Variants in PDE4D observed in about 807,000 individuals in gnomAD.
PDE4D encodes phosphodiesterase 4D.
In PDE4D, 24 loss-of-function variants were observed where a neutral mutation model predicts 87.4. The observed-to-expected ratio is 0.27, with a 90% CI of 0.20 to 0.39. The LOEUF is 0.39. Among genes scored for constraint, PDE4D ranks in the 10% least tolerant of loss-of-function variants. The pLI is 1.00. For missense variants in PDE4D, 714 were observed against 1,041.0 expected (o/e 0.69, Z 4.32); for synonymous variants, 384 against 383.2 (o/e 1.00, Z -0.02).
chr5:60,211,834 C>A (rs1010144265), intron 1 of PDE4D, among the ~76,000 whole-genome samples: 1 of 152,140 alleles, frequency 6.6e-6, no homozygotes, highest in South Asian at 2.1e-4. Flanking sequence ...CCTGAAGGTA[C>A]AGTATTTACT....
chr5:59,482,683 C>G (rs568813732), intron 1 of PDE4D, among the ~76,000 whole-genome samples: 6 of 152,176 alleles, frequency 3.9e-5, no homozygotes, highest in African/African-American at 1.4e-4. Flanking sequence ...ATTATCATAA[C>G]AGGGCAAAAT....
chr5:59,387,922 C>T (rs1787418161), intron 1 of PDE4D, among the ~76,000 whole-genome samples: 1 of 151,974 alleles, frequency 6.6e-6, no homozygotes, highest in Admixed American at 6.6e-5. Flanking sequence ...AATTTTGTGT[C>T]CTTTGACTAA....
intron 1 of PDE4D, among the ~76,000 whole-genome samples, chr5:59,718,541 C>G (rs1319890534): frequency 6.6e-6 from 1 of 152,128 alleles, no homozygotes; most frequent in Non-Finnish European, 1.5e-5. Context: ...TATCATCATT[C>G]AAACGCACAT....
intron 1 of PDE4D, among the ~76,000 whole-genome samples, chr5:60,321,249 G>A (rs751603447): frequency 2.0e-4 from 30 of 152,078 alleles, no homozygotes; most frequent in African/African-American, 4.1e-4. Flanking sequence ...TACCACCCAC[G>A]TAAAATCATC....
intron 6 of PDE4D, among the ~76,000 whole-genome samples, chr5:58,995,317 C>A (rs1748964748): frequency 6.6e-6 from 1 of 152,014 alleles, no homozygotes; most frequent in Non-Finnish European, 1.5e-5. Context: ...CTTTTTTCTA[C>A]CCTTGTATGT....
At chr5:59,796,371 CA>C (rs1268387101) in intron 1 of PDE4D, among the ~76,000 whole-genome samples, 2 of 152,214 alleles carry the variant, frequency 1.3e-5, no homozygotes, top group Non-Finnish European at 1.5e-5. Flanking sequence ...GGAAAATAAA[CA>C]AGGCTTTGGT....
At chr5:59,268,646 T>C (rs1205639445) in intron 1 of PDE4D, among the ~76,000 whole-genome samples, 1 of 152,138 alleles carries the variant, frequency 6.6e-6, no homozygotes, top group Non-Finnish European at 1.5e-5. Context: ...AAAATCTATA[T>C]TGATTTTTTA....
At chr5:60,504,295 C>T (rs1285836002) in intron 1 of PDE4D, among the ~76,000 whole-genome samples, 1 of 150,536 alleles carries the variant, frequency 6.6e-6, no homozygotes, top group Non-Finnish European at 1.5e-5. Context: ...TTGCATATAG[C>T]TTTTGTATAA....
intron 1 of PDE4D, among the ~76,000 whole-genome samples, chr5:59,560,388 CA>C (rs1046785435): frequency 2.6e-5 from 4 of 151,698 alleles, no homozygotes; most frequent in African/African-American, 4.8e-5. Flanking sequence ...GATGAAAGCA[CA>C]AAAAAAACCC....
chr5:59,716,118 C>T (rs549381347), intron 1 of PDE4D, among the ~76,000 whole-genome samples: 24 of 152,204 alleles, frequency 1.6e-4, no homozygotes, highest in East Asian at 1.6e-3. Flanking sequence ...AAAAATAGGC[C>T]GAAGCAGACA....
chr5:59,244,180 A>G (rs1758276201), intron 1 of PDE4D, among the ~76,000 whole-genome samples: 1 of 151,824 alleles, frequency 6.6e-6, no homozygotes, highest in African/African-American at 2.4e-5. Flanking sequence ...TTGTAATCCC[A>G]GCACTTCAGG....
At chr5:60,282,270 A>T (rs1324769576) in intron 1 of PDE4D, among the ~76,000 whole-genome samples, 1 of 148,116 alleles carries the variant, frequency 6.8e-6, no homozygotes, top group Non-Finnish European at 1.5e-5. Flanking sequence ...GTCAGGCAAG[A>T]CTATTCAGGG....
At chr5:59,292,683 A>G (rs574882459) in intron 1 of PDE4D, among the ~76,000 whole-genome samples, 173 of 152,278 alleles carry the variant, frequency 1.1e-3, no homozygotes, top group African/African-American at 4.1e-3. Flanking sequence ...TGCTTTGAAC[A>G]TTTAATTAAA....
Position 60,481,465 on chromosome 5 carries a change from T to C in PDE4D, c.-90+6477A>G, listed in dbSNP as rs189715733. On this transcript the variant is annotated intron_variant, in intron 1 of 16. Coordinates refer to the PDE4D transcript ENST00000502484. ...AAACAGAAACTATAAACCAAGCTTA[T>C]GTTAGATGCACCATTTGCTCAACTC... Among the ~76,000 whole-genome samples the C allele has an allele frequency of 8.5e-3, 1,290 of 152,270 alleles. 8 individuals carry two copies. The highest frequency in any genetic ancestry group is 0.02 in the Middle Eastern group (6 of 294).
intron 1 of PDE4D, among the ~76,000 whole-genome samples, chr5:59,721,046 G>C (rs1449879020): frequency 6.6e-6 from 1 of 152,018 alleles, no homozygotes; most frequent in Admixed American, 6.6e-5. Flanking sequence ...AGGAGCAAGG[G>C]CCACAGAGAA....
At chr5:59,949,663 G>A (rs561952194) in intron 3 of PDE4D, among the ~76,000 whole-genome samples, 1 of 152,146 alleles carries the variant, frequency 6.6e-6, no homozygotes, top group African/African-American at 2.4e-5. Context: ...GTCAAGTACA[G>A]ATATGTTACT....
intron 1 of PDE4D, among the ~76,000 whole-genome samples, chr5:60,420,902 G>A (rs1050427678): frequency 2.0e-5 from 3 of 152,244 alleles, no homozygotes; most frequent in Non-Finnish European, 2.9e-5. Context: ...TGGCTTAGCA[G>A]GTCCCACACC....
intron 3 of PDE4D, among the ~76,000 whole-genome samples, chr5:59,189,598 A>G (rs1433245163): frequency 6.6e-6 from 1 of 152,034 alleles, no homozygotes; most frequent in Non-Finnish European, 1.5e-5. Flanking sequence ...AGCAGAGAAG[A>G]GTTTCCTACA....
intron 1 of PDE4D, among the ~76,000 whole-genome samples, chr5:59,506,527 A>G (rs1809296123): frequency 6.6e-6 from 1 of 152,186 alleles, no homozygotes; most frequent in African/African-American, 2.4e-5. Context: ...GTTGACTTCA[A>G]GAGTACTGAA....
Sources: gnomAD v4.1 joint callset for allele counts (sites outside exome capture counted in the v4.1 genomes callset) on GRCh38, gnomAD v4.1.1 for gene constraint, MANE v1.5 for transcripts, NCBI Gene and HGNC (gene_info 2026-07-23, HGNC 2026-07-21) for gene names.